RNASEH1: variants seen among roughly 807,000 people sequenced by gnomAD.
The protein encoded by RNASEH1 is ribonuclease H1.
Under a neutral mutation model 34.6 loss-of-function variants are expected in RNASEH1, and 27 were observed. The observed-to-expected ratio is 0.78, with a 90% confidence interval of 0.58 to 1.08. The LOEUF (loss-of-function observed/expected upper bound fraction) is 1.08, where lower values mean the gene tolerates loss of function less well. Ranked by LOEUF, RNASEH1 falls within the 50% of genes least tolerant of loss-of-function variation. The pLI is 0.00. For synonymous variants in RNASEH1, 162 were observed against 138.4 expected, an observed-to-expected ratio of 1.17 and a Z score of -1.20; for missense variants, 349 against 373.6, an observed-to-expected ratio of 0.93 and a Z score of 0.54.
chr2:3,539,692 G>A (rs1318983081), downstream of RNASEH1, among the ~76,000 whole-genome samples: 1 of 152,136 alleles, frequency 6.6e-6, no homozygotes, highest in Non-Finnish European at 1.5e-5. Context: ...CTGAATGTCA[G>A]CTCATCACGT....
rs1401307531 is a variant in RNASEH1, at chr2:3,552,166, G to A, written c.387C>T (p.Ser129=). 1 of 1,610,720 alleles carries A rather than the reference G, an allele frequency of 6.2e-7. No individual in the cohort carries two copies. The highest frequency in any genetic ancestry group is 1.7e-5 in the Admixed American group (1 of 59,626). Residue 129 remains serine, a synonymous_variant, in exon 3 of 8, where the codon AGC becomes AGT. Transcript: ENST00000315212. ...TACCCATGTAGGAAAACGTGTCTCT[G>A]CTAACTGGAGGCGCCGGCTCCACGC... is the stretch of plus-strand genomic sequence containing the variant. The part of the protein sequence containing the change: ...KPSVEPAPPV[S]RDTFSYMGDF...
At chr2:3,551,823 C>A (rs766556871) in intron 3 of RNASEH1, among the ~76,000 whole-genome samples, 1 of 152,136 alleles carries the variant, frequency 6.6e-6, no homozygotes, top group South Asian at 2.1e-4. Flanking sequence ...CAAGCAGCTG[C>A]GTGTGAGGTG....
chr2:3,556,951 T>C (rs777081849), intron 1 of RNASEH1, 47 bp from the exon 2 acceptor site: 18 of 1,362,312 alleles, frequency 1.3e-5, no homozygotes, highest in Non-Finnish European at 1.8e-5. Context: ...CTCTAACTTA[T>C]CCCCTTTTTT....
Position 3,547,980 on chromosome 2 carries a change from T to A in RNASEH1, c.725A>T (p.Glu242Val). The A allele has an allele frequency of 6.2e-7, 1 of 1,612,830 alleles. No homozygotes were observed. The highest frequency in any genetic ancestry group is 8.5e-7 in the Non-Finnish European group (1 of 1,178,884). Residue 242 changes from glutamate (E) to valine (V), a missense_variant, in exon 7 of 8, where the codon GAG (glutamate) becomes GTG (valine). Glu to Val is a moderately radical substitution (Grantham distance 121). Coordinates refer to ENST00000315212, the MANE Select transcript of RNASEH1 (RefSeq NM_002936.6). ...AAGCCTCTCCAGTGCCACAAAGTCC[T>A]CTTTGTTGATCACCTCTTTCCCTGC... ...TSAGKEVINK[E>V]DFVALERLTQ...
In RNASEH1 at chr2:3,558,244, A is replaced by G; in HGVS notation, c.17T>C (p.Phe6Ser). The change falls in exon 1 of 8, where the codon TTC (phenylalanine) becomes TCC (serine). Residue 6 changes from phenylalanine (F) to serine (S), a missense_variant. By Grantham distance (155) the Phe-to-Ser change is radical (BLOSUM62 -2). Around this residue, in one of 2 missense-constraint regions of RNASEH1, gnomAD observed 256 missense variants for 240.7 expected, o/e 1.06. Transcript: ENST00000315212. MSWLL[F>S]LAHRVALAAL... ...GGCCAAGGCGACTCTGTGGGCCAGGAACAGAAGCCAGCTCATCGCTCACTC... is the reference window on the plus strand; with the variant it reads ...GGCCAAGGCGACTCTGTGGGCCAGGGACAGAAGCCAGCTCATCGCTCACTC... 1 of 1,592,926 alleles carries G rather than the reference A, an allele frequency of 6.3e-7. No homozygotes were observed. The highest frequency in any genetic ancestry group is 8.5e-7 in the Non-Finnish European group (1 of 1,172,676).
chr2:3,532,234 G>A, the RNASEH1 span: 1 of 702,180 alleles, frequency 1.4e-6, no homozygotes, highest in Non-Finnish European at 2.6e-6. Flanking sequence ...CACTCCGTCT[G>A]CAAACATTTC....
At chr2:3,557,850 C>A in intron 1 of RNASEH1, 2 of 1,430,814 alleles carry the variant, frequency 1.4e-6, no homozygotes, top group Non-Finnish European at 1.9e-6. Flanking sequence ...TTAACTGCAA[C>A]AAAGATGGAG....
At chr2:3,549,031 G>C in intron 5 of RNASEH1, 27 bp downstream of exon 5, 3 of 1,584,382 alleles carry the variant, frequency 1.9e-6, no homozygotes, top group Non-Finnish European at 2.6e-6. Flanking sequence ...TCAAAAAAGA[G>C]AGGCTTAAAC....
intron 1 of RNASEH1, chr2:3,557,741 G>A (rs1371658405): frequency 4.8e-6 from 3 of 629,854 alleles, no homozygotes; most frequent in African/African-American, 3.8e-5. Flanking sequence ...TTTTTAAAAG[G>A]GAAGATTAGG....
chr2:3,541,083 C>G (rs1017374537), downstream of RNASEH1, among the ~76,000 whole-genome samples: 2 of 152,082 alleles, frequency 1.3e-5, no homozygotes, highest in African/African-American at 4.8e-5. Context: ...AATCCCAGCA[C>G]TTTGGGAGGC....
chr2:3,550,602 T>C, intron 3 of RNASEH1, 130 bp from the exon 4 acceptor site: 1 of 700,604 alleles, frequency 1.4e-6, no homozygotes, highest in Non-Finnish European at 2.6e-6. Flanking sequence ...ACGTTTTCTC[T>C]CTAGGAAAAC....
rs770648471 is a variant in RNASEH1, at chr2:3,558,284, C to G, written c.-24G>C. 1 of 1,532,302 alleles carries G rather than the reference C, an allele frequency of 6.5e-7. No individual in the cohort carries two copies. The highest frequency in any genetic ancestry group is 8.7e-7 in the Non-Finnish European group (1 of 1,143,996). 94.9% of individuals were successfully genotyped at this position (1,532,302 alleles called of 1,614,324 possible). On this transcript the variant is annotated 5_prime_UTR_variant, in exon 1 of 8. An upstream start codon of the reference 5' UTR is lost. Transcript: ENST00000315212. Reference sequence around the variant, plus strand: ...ATCGCTCACTCCCGGCACCGGGAAGCATTTCGACTCCCGGCCCAGCGTGGG... The same window carrying G: ...ATCGCTCACTCCCGGCACCGGGAAGGATTTCGACTCCCGGCCCAGCGTGGG...
In RNASEH1 at chr2:3,550,593, C is replaced by T. The variant is rs138593515; in HGVS notation, c.410-121G>A. 9.2e-4 allele frequency: 673 copies of T among 730,734 alleles called. 6 individuals carry two copies. In the African/African-American group the frequency reaches 9.6e-3, roughly 10 times the overall value. The allele number at this position is 730,734 out of a possible 1,614,324, so 45.3% of individuals were successfully genotyped here. A position where few individuals can be genotyped will look rare whatever the true frequency, so the allele number is the denominator to read the frequency against. On this transcript the variant is annotated intron_variant, in intron 3 of 7. Coordinates refer to ENST00000315212, the MANE Select transcript of RNASEH1 (RefSeq NM_002936.6). ...AGAGGGTATTTTACAACGCTGCAGA[C>T]GTTTTCTCTCTAGGAAAACATGCTC...
chr2:3,546,743 C>G (rs918734067), intron 7 of RNASEH1, among the ~76,000 whole-genome samples: 1 of 152,152 alleles, frequency 6.6e-6, no homozygotes, highest in Non-Finnish European at 1.5e-5. Context: ...TGCACTCCAG[C>G]CTGGGCAACA....
downstream of RNASEH1, among the ~76,000 whole-genome samples, chr2:3,537,417 A>G (rs1282459931): frequency 6.6e-6 from 1 of 152,214 alleles, no homozygotes; most frequent in Non-Finnish European, 1.5e-5. Flanking sequence ...AACATGATTC[A>G]AAGATCAAGG....
chr2:3,544,834 G>A lies in RNASEH1; in HGVS notation c.*951C>T, dbSNP rs1668592999. ...CTGTTGCCCAGGATGGAGTGCAGTG[G>A]TGCAATCTTGGCTCACTGCAACCTC... On this transcript the variant is annotated 3_prime_UTR_variant, in exon 8 of 8. Transcript: ENST00000315212. 1 of 151,646 alleles carries A rather than the reference G, an allele frequency of 6.6e-6. No homozygotes were observed. The highest frequency in any genetic ancestry group is 2.1e-4 in the South Asian group (1 of 4,798). 9.4% of individuals were successfully genotyped at this position (151,646 alleles called of 1,614,324 possible).
At position 3,552,304 on chromosome 2, in the gene RNASEH1, A is replaced by G; in HGVS notation, c.249T>C (p.His83=). The G allele has an allele frequency of 1.2e-6, 2 of 1,613,140 alleles. No homozygotes were observed. The highest frequency in any genetic ancestry group is 2.2e-5 in the South Asian group (2 of 90,870). ...KSASPEVSEG[H]ENQHGQESEA... ...CCGATTCTTGTCCATGTTGATTTTC[A>G]TGCCCTGAAAGACAAGAGTCCACTC... is the stretch of plus-strand genomic sequence containing the variant. Residue 83 remains histidine (H), a synonymous_variant, in exon 3 of 8, where the codon CAT becomes CAC. Transcript: ENST00000315212.
At chr2:3,540,335 T>G (rs1030051177), downstream of RNASEH1, among the ~76,000 whole-genome samples, 3 of 152,032 alleles carry the variant, frequency 2.0e-5, no homozygotes, top group Non-Finnish European at 4.4e-5. Flanking sequence ...CCCTAAAAAT[T>G]TAAGATTCCT....
At chr2:3,546,984 G>C (rs749191103) in intron 7 of RNASEH1, among the ~76,000 whole-genome samples, 1 of 152,122 alleles carries the variant, frequency 6.6e-6, no homozygotes, top group Non-Finnish European at 1.5e-5. Context: ...TTAGCCAGGC[G>C]TGGTGGCATA....
Sources: gnomAD v4.1 joint callset for allele counts (sites outside exome capture counted in the v4.1 genomes callset) on GRCh38, gnomAD v4.1.1 for gene constraint, gnomAD v4.1.1 regional missense constraint, MANE v1.5 for transcripts, NCBI Gene and HGNC (gene_info 2026-07-23, HGNC 2026-07-21) for gene names.